The following PTK2 variants were observed in gnomAD, a reference collection of about 807,000 sequenced individuals.
PTK2 encodes the protein protein tyrosine kinase 2, also known as focal adhesion kinase 1.
A neutral mutation model predicts 150.1 loss-of-function variants in PTK2; 45 were observed. The ratio of observed to expected loss-of-function variants is 0.30; its 90% CI spans 0.24 to 0.38. The LOEUF is 0.38. Among genes scored for constraint, PTK2 ranks in the 10% least tolerant of loss-of-function variants. The pLI is 1.00. For synonymous variants in PTK2, 432 were observed against 449.2 expected (o/e 0.96, Z 0.48); for missense variants, 919 against 1,307.3 (o/e 0.70, Z 4.58).
At chr8:140,781,047 C>T (rs1319858951) in intron 14 of PTK2, among the ~76,000 whole-genome samples, 9 of 152,098 alleles carry the variant, frequency 5.9e-5, no homozygotes, top group Non-Finnish European at 1.2e-4. Flanking sequence ...TTTGTAAAGG[C>T]ATCAAAAATA....
intron 27 of PTK2, among the ~76,000 whole-genome samples, chr8:140,680,063 T>G (rs1014173663): frequency 6.6e-6 from 1 of 152,128 alleles, no homozygotes; most frequent in African/African-American, 2.4e-5. Flanking sequence ...ATTTGTGAAA[T>G]GTGGATGACG....
intron 1 of PTK2, among the ~76,000 whole-genome samples, chr8:140,984,344 A>G (rs2100192533): frequency 1.3e-5 from 2 of 152,204 alleles, no homozygotes; most frequent in South Asian, 4.2e-4. Flanking sequence ...CTTTCAAACT[A>G]AGACTCAGTG....
At chr8:140,700,680 T>C in intron 26 of PTK2, 1 of 404,916 alleles carries the variant, frequency 2.5e-6, no homozygotes, top group Non-Finnish European at 4.5e-6. Flanking sequence ...TTCACCATGT[T>C]GGCCAGGCTG....
At chr8:140,962,592 A>C (rs2100183712) in intron 1 of PTK2, among the ~76,000 whole-genome samples, 1 of 133,542 alleles carries the variant, frequency 7.5e-6, no homozygotes, top group Non-Finnish European at 1.7e-5. Flanking sequence ...AGGTGAGGAG[A>C]TCGAGACCAT....
intron 8 of PTK2, among the ~76,000 whole-genome samples, chr8:140,827,404 C>T (rs759128859): frequency 6.6e-6 from 1 of 151,988 alleles, no homozygotes; most frequent in South Asian, 2.1e-4. Context: ...TATCTGATAC[C>T]CAGGTACAGC....
At chr8:140,984,173 A>AC (rs1342268639) in intron 1 of PTK2, 39 of 141,856 alleles carry the variant, frequency 2.7e-4, no homozygotes, top group South Asian at 8.1e-4. Flanking sequence ...AAAAAAAAAC[A>AC]AAAAAAAAAG....
intron 27 of PTK2, among the ~76,000 whole-genome samples, chr8:140,684,445 A>T (rs900220771): frequency 2.6e-5 from 4 of 152,272 alleles, no homozygotes; most frequent in African/African-American, 9.6e-5. Context: ...AGTTCCTAAC[A>T]GACTATGGAC....
chr8:140,738,634 G>A (rs1429171619), intron 21 of PTK2, among the ~76,000 whole-genome samples: 1 of 152,226 alleles, frequency 6.6e-6, no homozygotes, highest in Non-Finnish European at 1.5e-5. Context: ...TTCCGGGTTG[G>A]AGGGGCCAAG....
chr8:140,688,248 A>AT (rs1167707837), intron 26 of PTK2, among the ~76,000 whole-genome samples: 11 of 152,308 alleles, frequency 7.2e-5, no homozygotes, highest in Non-Finnish European at 1.5e-4. Context: ...CAGCTCATGT[A>AT]TATCAGCCCC....
chr8:140,673,531 C>T (rs768402697), intron 29 of PTK2, among the ~76,000 whole-genome samples: 43 of 152,072 alleles, frequency 2.8e-4, no homozygotes, highest in Non-Finnish European at 5.3e-4. Flanking sequence ...TGAGAAATAG[C>T]GTCTATTTTG....
chr8:140,902,804 TG>T (rs58269834), intron 2 of PTK2, among the ~76,000 whole-genome samples: 3,364 of 152,244 alleles, frequency 0.022, 130 homozygotes, highest in African/African-American at 0.078. Flanking sequence ...TTGGTGGGGT[TG>T]TTTTTTTCTT....
intron 1 of PTK2, among the ~76,000 whole-genome samples, chr8:140,937,949 C>T (rs973273637): frequency 6.6e-6 from 1 of 152,104 alleles, no homozygotes; most frequent in African/African-American, 2.4e-5. Context: ...AGAACATGAC[C>T]AAAATTATTT....
intron 7 of PTK2, among the ~76,000 whole-genome samples, chr8:140,841,257 T>C (rs572890128): frequency 6.6e-6 from 1 of 152,134 alleles, no homozygotes; most frequent in East Asian, 1.9e-4. Flanking sequence ...GACACACAGA[T>C]GCTCACTGAA....
intron 2 of PTK2, among the ~76,000 whole-genome samples, chr8:140,918,362 T>C (rs2100166128): frequency 6.6e-6 from 1 of 152,208 alleles, no homozygotes; most frequent in African/African-American, 2.4e-5. Context: ...AAATAAATAA[T>C]GTAAAAACTG....
chr8:140,674,066 T>C, intron 29 of PTK2: 1 of 670,274 alleles, frequency 1.5e-6, no homozygotes, highest in Non-Finnish European at 2.8e-6. Flanking sequence ...ATTCCTAAAA[T>C]CTATTACACT....
chr8:140,939,876 C>A (rs2100175047), intron 1 of PTK2, among the ~76,000 whole-genome samples: 2 of 152,252 alleles, frequency 1.3e-5, no homozygotes, highest in Admixed American at 1.3e-4. Flanking sequence ...AAGGGAGAGA[C>A]TGAGTTACTA....
intron 1 of PTK2, among the ~76,000 whole-genome samples, chr8:140,966,533 A>C (rs1365321472): frequency 6.6e-6 from 1 of 152,236 alleles, no homozygotes; most frequent in Non-Finnish European, 1.5e-5. Context: ...GATTTAATCC[A>C]TCTTTACTAA....
At chr8:140,729,334 C>T (rs1285846114) in intron 22 of PTK2, among the ~76,000 whole-genome samples, 1 of 152,216 alleles carries the variant, frequency 6.6e-6, no homozygotes, top group African/African-American at 2.4e-5. Flanking sequence ...AGCAGGCTCT[C>T]TGGATGACAC....
At chr8:140,819,156 C>T in intron 8 of PTK2, 136 bp from the exon 9 acceptor site, 1 of 840,420 alleles carries the variant, frequency 1.2e-6, no homozygotes, top group African/African-American at 1.7e-5. Flanking sequence ...GTATACTTGT[C>T]AAATAACTAT....
Sources: gnomAD v4.1 joint callset for allele counts (sites outside exome capture counted in the v4.1 genomes callset) on GRCh38, gnomAD v4.1.1 for gene constraint, MANE v1.5 for transcripts, NCBI Gene and HGNC (gene_info 2026-07-23, HGNC 2026-07-21) for gene names.